ERC2: variants seen among roughly 807,000 people sequenced by gnomAD.
ERC2 encodes the protein ERC protein 2.
In ERC2, 42 loss-of-function variants were observed where a neutral mutation model predicts 114.8. The observed-to-expected ratio is 0.37, with a 90% CI of 0.29 to 0.47. The LOEUF is 0.47. ERC2 is among the 20% of genes least tolerant of loss of function. The pLI is 0.99. For synonymous variants in ERC2, 454 were observed against 425.5 expected (o/e 1.07, Z -0.82); for missense variants, 939 against 1,150.7 (o/e 0.82, Z 2.66).
intron 3 of ERC2, chr3:56,173,807 G>T: frequency 3.1e-6 from 1 of 317,480 alleles, no homozygotes; most frequent in Non-Finnish European, 5.7e-6. Flanking sequence ...TTCAACACTG[G>T]GGCTGATGCC....
chr3:56,047,111 G>C (rs75025137), intron 7 of ERC2, among the ~76,000 whole-genome samples: 2 of 152,122 alleles, frequency 1.3e-5, no homozygotes, highest in East Asian at 3.9e-4. Flanking sequence ...TTCTGAAATC[G>C]GATATTTAAA....
At chr3:56,446,116 C>T (rs1008224370) in intron 1 of ERC2, among the ~76,000 whole-genome samples, 1 of 152,098 alleles carries the variant, frequency 6.6e-6, no homozygotes, top group Non-Finnish European at 1.5e-5. Context: ...AATGTGAAAT[C>T]TTGTAGGTGT....
intron 14 of ERC2, among the ~76,000 whole-genome samples, chr3:55,821,750 T>A (rs1221203472): frequency 6.6e-6 from 1 of 152,222 alleles, no homozygotes; most frequent in Non-Finnish European, 1.5e-5. Flanking sequence ...TAACACCTAA[T>A]ACATACATAT....
Position 56,434,712 on chromosome 3 carries a change from C to A in ERC2, c.296G>T (p.Gly99Val), listed in dbSNP as rs201496750. 9.3e-6 allele frequency: 15 copies of A among 1,613,800 alleles called. No homozygotes were observed. The highest frequency in any genetic ancestry group is 2.2e-5 in the East Asian group (1 of 44,890). Residue 99 changes from glycine to valine, a missense_variant, in exon 2 of 18, where the codon GGG (glycine) becomes GTG (valine). Physicochemically the swap from Gly to Val is moderately radical, Grantham distance 109. Transcript: ENST00000288221. Reference sequence around the variant, plus strand: ...AGCAGAAGCAATATTGGGACTACTCCCCATGGCTGTGACACGGCCTCCATA... The same window carrying A: ...AGCAGAAGCAATATTGGGACTACTCACCATGGCTGTGACACGGCCTCCATA... ...AVYGGRVTAM[G>V]SSPNIASAGL...
At chr3:56,210,318 G>A (rs1003280546) in intron 3 of ERC2, among the ~76,000 whole-genome samples, 5 of 152,122 alleles carry the variant, frequency 3.3e-5, no homozygotes, top group African/African-American at 1.2e-4. Flanking sequence ...GCCAAAAATG[G>A]CAGAGTTTAA....
chr3:55,897,864 C>A (rs773630103), intron 13 of ERC2, among the ~76,000 whole-genome samples: 1 of 152,172 alleles, frequency 6.6e-6, no homozygotes, highest in Admixed American at 6.5e-5. Context: ...TCAGCCTGGA[C>A]CTGACCATCC....
chr3:56,326,467 C>A (rs943815131), intron 2 of ERC2, among the ~76,000 whole-genome samples: 2 of 152,130 alleles, frequency 1.3e-5, no homozygotes, highest in Non-Finnish European at 1.5e-5. Flanking sequence ...CAGACTAGAA[C>A]AAATAAAAAA....
intron 14 of ERC2, among the ~76,000 whole-genome samples, chr3:55,817,446 G>A (rs2059945172): frequency 6.6e-6 from 1 of 152,202 alleles, no homozygotes; most frequent in Admixed American, 6.5e-5. Flanking sequence ...GTTCACCCAA[G>A]GGATGGGCGG....
intron 7 of ERC2, among the ~76,000 whole-genome samples, chr3:56,038,903 G>A (rs916354815): frequency 5.3e-5 from 8 of 152,292 alleles, no homozygotes; most frequent in African/African-American, 1.9e-4. Flanking sequence ...TGGACACAGG[G>A]AAGGGAAAAA....
At chr3:56,117,838 C>T (rs2149846554) in intron 6 of ERC2, among the ~76,000 whole-genome samples, 1 of 152,280 alleles carries the variant, frequency 6.6e-6, no homozygotes, top group South Asian at 2.1e-4. Flanking sequence ...TCCAAATGCT[C>T]AACAACAGGC....
chr3:55,729,832 T>C (rs1404034749), intron 15 of ERC2, among the ~76,000 whole-genome samples: 2 of 8,516 alleles, frequency 2.3e-4, no homozygotes, highest in Non-Finnish European at 4.1e-4. Context: ...AGTGAGACTC[T>C]ATCGCAAAAA....
At chr3:55,521,009 A>C (rs2052892343) in intron 17 of ERC2, among the ~76,000 whole-genome samples, 1 of 152,234 alleles carries the variant, frequency 6.6e-6, no homozygotes, top group South Asian at 2.1e-4. Flanking sequence ...TCTCAAGTTT[A>C]CTGACCAGAA....
chr3:55,805,834 G>A, intron 14 of ERC2, among the ~76,000 whole-genome samples: 1 of 152,110 alleles, frequency 6.6e-6, no homozygotes, highest in East Asian at 1.9e-4. Flanking sequence ...TGGTTCAGAT[G>A]CCTGTAATTA....
At chr3:55,767,972 T>C (rs994120002) in intron 14 of ERC2, among the ~76,000 whole-genome samples, 11 of 152,116 alleles carry the variant, frequency 7.2e-5, no homozygotes, top group Admixed American at 2.0e-4. Flanking sequence ...GGGGCAGATT[T>C]CCCCTTTGCT....
At chr3:55,601,312 G>A (rs1013677730) in intron 17 of ERC2, among the ~76,000 whole-genome samples, 8 of 152,140 alleles carry the variant, frequency 5.3e-5, no homozygotes, top group Admixed American at 4.6e-4. Flanking sequence ...GTGACTCCAG[G>A]CTTAAATTCT....
intron 17 of ERC2, among the ~76,000 whole-genome samples, chr3:55,537,329 C>G (rs932088061): frequency 1.3e-5 from 2 of 152,210 alleles, no homozygotes; most frequent in South Asian, 4.1e-4. Context: ...GATGGTTTCC[C>G]CCCCTGAAGT....
At chr3:56,195,641 G>A (rs1460409703) in intron 3 of ERC2, among the ~76,000 whole-genome samples, 2 of 151,856 alleles carry the variant, frequency 1.3e-5, no homozygotes, top group East Asian at 3.9e-4. Flanking sequence ...ACCAGCCTGG[G>A]CAACATAGGA....
chr3:56,204,565 G>A lies in ERC2; in HGVS notation c.1075-31045C>T, dbSNP rs117852151. Among the ~76,000 whole-genome samples the A allele has an allele frequency of 5.1e-3, 753 of 146,732 alleles. 23 individuals carry two copies. The East Asian group carries it at 0.082, about 16-fold the overall frequency. ...TGTCGCCAGCCTGGAGTGCAGTGAC[G>A]TGATCTTGGCTCACTGCAACTCTGC... On this transcript the variant is annotated intron_variant, in intron 3 of 17. Coordinates refer to ENST00000288221, the MANE Select transcript of ERC2 (RefSeq NM_015576.3).
At chr3:55,753,683 A>T (rs2066869682) in intron 14 of ERC2, among the ~76,000 whole-genome samples, 2 of 152,232 alleles carry the variant, frequency 1.3e-5, no homozygotes, top group Admixed American at 1.3e-4. Context: ...AAATTCACGA[A>T]CGGAAAACGA....
Sources: allele counts gnomAD v4.1 joint callset (sites outside exome capture counted in the v4.1 genomes callset), GRCh38; gene constraint gnomAD v4.1.1; transcripts MANE v1.5; gene names NCBI Gene and HGNC (gene_info 2026-07-23, HGNC 2026-07-21).